CLCN1: variants seen among roughly 807,000 people sequenced by gnomAD.
CLCN1 encodes the protein chloride voltage-gated channel 1.
CLCN1 carries 100 observed loss-of-function variants against 114.5 expected under a neutral mutation model. The ratio of observed to expected loss-of-function variants is 0.87; its 90% CI spans 0.74 to 1.03. The LOEUF (loss-of-function observed/expected upper bound fraction) is 1.03. Ranked by LOEUF, CLCN1 falls within the 50% of genes least tolerant of loss-of-function variation. CLCN1 has a pLI of 0.00. For synonymous variants in CLCN1, 485 were observed against 487.1 expected (o/e 1.00, Z 0.06); for missense variants, 1,188 against 1,250.0 (o/e 0.95, Z 0.75).
Position 143,350,549 on chromosome 7 carries a change from C to T in CLCN1, c.2509-19C>T. 6.2e-7 allele frequency: 1 copy of T among 1,612,402 alleles called. No homozygotes were observed. The highest frequency in any genetic ancestry group is 1.1e-5 in the South Asian group (1 of 91,062). On this transcript the variant is annotated intron_variant, in intron 21 of 22. Coordinates refer to ENST00000343257, the MANE Select transcript of CLCN1 (RefSeq NM_000083.3). The surrounding 1 kb of genome is among the most constrained non-coding windows in gnomAD (Gnocchi z 5.1). ...TGTGGGGCAAGGAACATGCACTGAC[C>T]TGTGCTCTTCATCCTCAGACTCATA...
chr7:143,321,633 AATTCCC>A lies in CLCN1; in HGVS notation c.563-73_563-68del. On this transcript the variant is annotated intron_variant, in intron 4 of 22. Coordinates refer to ENST00000343257, the MANE Select transcript of CLCN1 (RefSeq NM_000083.3). This position sits in a 1 kb window ranked among gnomAD's most constrained non-coding sequence, Gnocchi z 4.2. ...CACCACTGCCTCTTCAGCCCTCTCC[AATTCCC>A]ATTCCCATATTCTGGACATTCATCT... The A allele has an allele frequency of 6.2e-7, 1 of 1,607,574 alleles. No homozygotes were observed. The highest frequency in any genetic ancestry group is 8.5e-7 in the Non-Finnish European group (1 of 1,174,800).
Position 143,324,629 on chromosome 7 carries a change from T to TA in CLCN1, c.853+137_853+138insA. The stretch of plus-strand genomic sequence containing the variant: ...TGACTTTTAGTAAGCCTTTGCTATG[T>TA]GCCAGGCAATGTTTAAAGCACTTAC... On this transcript the variant is annotated intron_variant, in intron 7 of 22. Coordinates refer to ENST00000343257, the MANE Select transcript of CLCN1 (RefSeq NM_000083.3). The surrounding 1 kb of genome is among the most constrained non-coding windows in gnomAD (Gnocchi z 4.6). The TA allele has an allele frequency of 1.4e-6, 1 of 730,288 alleles. No individual in the cohort carries two copies. Among genetic ancestry groups the TA allele is most frequent in the Non-Finnish European group, 2.5e-6 (1 of 398,558 alleles). 45.2% of individuals were successfully genotyped at this position (730,288 alleles called of 1,614,324 possible). A position where few individuals can be genotyped will look rare whatever the true frequency, so the allele number is the denominator to read the frequency against.
In CLCN1 at chr7:143,350,859, C is replaced by A. The variant is rs537429834; in HGVS notation, c.2595+205C>A. 6.6e-6 allele frequency among the ~76,000 whole-genome samples: 1 copy of A among 151,714 alleles called. No individual in the cohort carries two copies. The highest frequency in any genetic ancestry group is 1.9e-4 in the East Asian group (1 of 5,146). ...GTGGCGTGATCTCAGCTCACTGCAA[C>A]CTCCGCCTCCCGGGTTCAAGTGATT... On this transcript the variant is annotated intron_variant, in intron 22 of 22. Coordinates refer to ENST00000343257, the MANE Select transcript of CLCN1 (RefSeq NM_000083.3). The surrounding 1 kb of genome is among the most constrained non-coding windows in gnomAD (Gnocchi z 5.1).
chr7:143,332,669 A>C (rs1802758826), intron 11 of CLCN1, 55 bp from the exon 12 acceptor site: 1 of 1,607,034 alleles, frequency 6.2e-7, no homozygotes, highest in Non-Finnish European at 8.5e-7. Flanking sequence ...TCTCTAAAAA[A>C]GGAAGCACAG....
chr7:143,340,722 G>A (rs962957150), intron 14 of CLCN1, among the ~76,000 whole-genome samples: 1 of 152,050 alleles, frequency 6.6e-6, no homozygotes, highest in African/African-American at 2.4e-5. Flanking sequence ...TAGTAGAGAT[G>A]GGGTTTCACC....
intron 2 of CLCN1, among the ~76,000 whole-genome samples, chr7:143,320,177 G>C (rs1474721599): frequency 6.6e-6 from 1 of 152,082 alleles, no homozygotes; most frequent in African/African-American, 2.4e-5. Flanking sequence ...TTTTTGTAAG[G>C]ATGCTGAGGC....
At position 143,321,706 on chromosome 7, in the gene CLCN1, C is replaced by T. The variant is rs201404573; in HGVS notation, c.563-9C>T. 5.5e-4 allele frequency: 887 copies of T among 1,614,240 alleles called. 2 individuals are homozygous for T. Among genetic ancestry groups the T allele is most frequent in the Non-Finnish European group, 7.1e-4 (834 of 1,180,028 alleles). On this transcript the variant is annotated splice_polypyrimidine_tract_variant and intron_variant, in intron 4 of 22. Transcript: ENST00000343257. The surrounding 1 kb of genome is among the most constrained non-coding windows in gnomAD (Gnocchi z 4.2). ...CTTGACCCTGCACATAATCTTTCAA[C>T]GCTTTTAGGCTCTGGAATCCCCGAA... is the stretch of plus-strand genomic sequence containing the variant.
intron 18 of CLCN1, 45 bp from the exon 19 acceptor site, chr7:143,346,534 C>A (rs1214066645): frequency 2.7e-6 from 4 of 1,461,416 alleles, no homozygotes; most frequent in Non-Finnish European, 3.8e-6. Flanking sequence ...CTGGCCGTTT[C>A]CTGTTGCTTT....
chr7:143,342,329 G>A, intron 15 of CLCN1, 43 bp from the exon 16 acceptor site: 2 of 1,611,720 alleles, frequency 1.2e-6, no homozygotes, highest in Non-Finnish European at 1.7e-6. Context: ...GGAAGGGATA[G>A]GTATACGGTG....
chr7:143,331,723 C>T (rs1243195101), intron 10 of CLCN1, 71 bp downstream of exon 10: 8 of 1,133,058 alleles, frequency 7.1e-6, no homozygotes, highest in Non-Finnish European at 1.1e-5. Context: ...CCCTTTTTGT[C>T]TTTGGGGAAG....
intron 11 of CLCN1, 51 bp downstream of exon 11, chr7:143,332,554 C>T (rs376255159): frequency 6.5e-7 from 1 of 1,541,408 alleles, no homozygotes; most frequent in Non-Finnish European, 9.0e-7. Context: ...ACAGATATAC[C>T]TCAGGCTTCA....
At position 143,346,633 on chromosome 7, in the gene CLCN1, G is replaced by A. The variant is rs529481237; in HGVS notation, c.2339G>A (p.Arg780His). 1.3e-4 allele frequency: 214 copies of A among 1,613,684 alleles called. 2 individuals are homozygous for A. The South Asian group carries it at 2.2e-3, about 16-fold the overall frequency. The change falls in exon 19 of 23, where the codon CGC becomes CAC. Residue 780 changes from arginine (R) to histidine (H), a missense_variant. By Grantham distance (29) the Arg-to-His change is conservative (BLOSUM62 0). Transcript: ENST00000343257. ...SLLHCLLGRA[R>H]PTKKKTTQDS... ...CTTCACTGCTTGCTGGGCAGAGCTC[G>A]CCCCACAAAGAAGAAAACAACCCAG...
chr7:143,346,752 C>A, intron 19 of CLCN1, 94 bp downstream of exon 19: 1 of 1,255,262 alleles, frequency 8.0e-7, no homozygotes, highest in Non-Finnish European at 1.2e-6. Context: ...GGCAGAGACC[C>A]CACCAAGGAG....
rs1802723910 is a variant in CLCN1, at chr7:143,331,536, A to G, written c.1065-15A>G. ...CATGTCTGTAAGATTCCAACTCTATAAATTACACCCTCAGGATTTGCTGTG... is the reference window on the plus strand; with the variant it reads ...CATGTCTGTAAGATTCCAACTCTATGAATTACACCCTCAGGATTTGCTGTG... On this transcript the variant is annotated splice_polypyrimidine_tract_variant and intron_variant, in intron 9 of 22. Coordinates refer to ENST00000343257, the MANE Select transcript of CLCN1 (RefSeq NM_000083.3). 5.1e-6 allele frequency: 8 copies of G among 1,578,226 alleles called. No homozygotes were observed. Among genetic ancestry groups the G allele is most frequent in the African/African-American group, 1.3e-5 (1 of 74,140 alleles).
chr7:143,347,342 C>T (rs944599050), intron 20 of CLCN1, among the ~76,000 whole-genome samples: 9 of 152,172 alleles, frequency 5.9e-5, no homozygotes, highest in East Asian at 3.9e-4. Context: ...AATGGGAGGC[C>T]GGGCATGGTG....
Position 143,316,291 on chromosome 7 carries a change from T to C in CLCN1, c.79T>C (p.Phe27Leu). ...GSDPQYQYMP[F>L]EHCTSYGLPS... Reference sequence around the variant, plus strand: ...TGACCCCCAGTACCAGTATATGCCCTTTGAACACTGCACCAGCTACGGACT... The same window carrying C: ...TGACCCCCAGTACCAGTATATGCCCCTTGAACACTGCACCAGCTACGGACT... Residue 27 changes from phenylalanine to leucine, a missense_variant, in exon 1 of 23, where the codon TTT becomes CTT. Transcript: ENST00000343257. 1 of 1,613,852 alleles carries C rather than the reference T, an allele frequency of 6.2e-7. No individual in the cohort carries two copies. Among genetic ancestry groups the C allele is most frequent in the Non-Finnish European group, 8.5e-7 (1 of 1,179,884 alleles).
intron 12 of CLCN1, among the ~76,000 whole-genome samples, chr7:143,333,862 T>C (rs1296645570): frequency 6.6e-6 from 1 of 152,226 alleles, no homozygotes; most frequent in Non-Finnish European, 1.5e-5. Context: ...GACTTCTCAA[T>C]TACTGCCTTG....
rs1012268397 is a variant in CLCN1 at position 143,324,265 on chromosome 7, C to T, written c.775-149C>T. On this transcript the variant is annotated intron_variant, in intron 6 of 22. Coordinates refer to ENST00000343257, the MANE Select transcript of CLCN1 (RefSeq NM_000083.3). The surrounding 1 kb of genome is among the most constrained non-coding windows in gnomAD (Gnocchi z 4.6). ...CCAAACTCACTGAGTTTCTCTTGGCCTGGGAATCACAGGGGACATGGGACC... is the reference window on the plus strand; with the variant it reads ...CCAAACTCACTGAGTTTCTCTTGGCTTGGGAATCACAGGGGACATGGGACC... 2.8e-5 allele frequency: 20 copies of T among 714,512 alleles called. No homozygotes were observed. Among genetic ancestry groups the T allele is most frequent in the Non-Finnish European group, 5.2e-5 (20 of 385,590 alleles). 44.3% of individuals were successfully genotyped at this position (714,512 alleles called of 1,614,324 possible).
intron 5 of CLCN1, among the ~76,000 whole-genome samples, chr7:143,322,809 C>A (rs1007757046): frequency 1.1e-4 from 16 of 152,254 alleles, no homozygotes; most frequent in African/African-American, 3.9e-4. Flanking sequence ...GCGTGCGCCA[C>A]CGCGCCCGGC....
Sources: allele counts gnomAD v4.1 joint callset (sites outside exome capture counted in the v4.1 genomes callset), GRCh38; gene constraint gnomAD v4.1.1; non-coding constraint Gnocchi (gnomAD v3.1); transcripts MANE v1.5; gene names NCBI Gene and HGNC (gene_info 2026-07-23, HGNC 2026-07-21).